Variants in NPC1L1 observed in about 807,000 individuals in gnomAD.
NPC1L1 encodes NPC1 like intracellular cholesterol transporter 1.
A neutral mutation model predicts 117.0 loss-of-function variants in NPC1L1; 98 were observed. The ratio of observed to expected loss-of-function variants is 0.84; its 90% CI spans 0.71 to 0.99. NPC1L1 has a LOEUF of 0.99. Ranked by LOEUF, NPC1L1 falls within the 50% of genes least tolerant of loss-of-function variation. The pLI, the probability that NPC1L1 is intolerant of heterozygous loss-of-function variation, is 0.00. For missense variants in NPC1L1, 1,540 were observed against 1,710.0 expected, an observed-to-expected ratio of 0.90 and a Z score of 1.75; for synonymous variants, 729 against 727.6, an observed-to-expected ratio of 1.00 and a Z score of -0.03.
chr7:44,513,884 C>A (rs1801112156), intron 18 of NPC1L1, among the ~76,000 whole-genome samples: 1 of 152,142 alleles, frequency 6.6e-6, no homozygotes, highest in African/African-American at 2.4e-5. Context: ...GCTCCAAGGC[C>A]CTGGATATCC....
At chr7:44,515,524 T>C (rs1371018791) in intron 18 of NPC1L1, among the ~76,000 whole-genome samples, 1 of 152,220 alleles carries the variant, frequency 6.6e-6, no homozygotes, top group African/African-American at 2.4e-5. Flanking sequence ...CTGAAGGGCA[T>C]GCTTAAAAGT....
Position 44,539,585 on chromosome 7 carries a change from G to A in NPC1L1, c.812C>T (p.Ala271Val), listed in dbSNP as rs117724326. The change falls in exon 2 of 19, where the codon GCC becomes GTC. Residue 271 changes from alanine to valine, a missense_variant. Transcript: ENST00000381160. This position sits in a 1 kb window ranked among gnomAD's most constrained non-coding sequence, Gnocchi z 4.4. ...GCCCAGGTAGAAGGTGGAGTCGAGG[G>A]CCTGGGGGCGGGCTATGGCAGGACA... is the stretch of plus-strand genomic sequence containing the variant. ...ASCPAIARPQ[A>V]LDSTFYLGQM... The A allele has an allele frequency of 5.8e-3, 9,338 of 1,614,054 alleles. 129 individuals carry two copies. The highest frequency in any genetic ancestry group is 5.6e-3 in the Non-Finnish European group (6,566 of 1,180,014).
intron 14 of NPC1L1, chr7:44,518,801 G>A: frequency 1.0e-6 from 1 of 968,552 alleles, no homozygotes; most frequent in South Asian, 3.3e-5. Context: ...CTCAGAGCAG[G>A]GGAGGTGCCT....
chr7:44,513,768 T>C lies in NPC1L1; in HGVS notation c.3797-119A>G, dbSNP rs1801110234. On this transcript the variant is annotated intron_variant, in intron 18 of 18. Coordinates refer to ENST00000381160, the MANE Select transcript of NPC1L1 (RefSeq NM_001101648.2). The stretch of plus-strand genomic sequence containing the variant: ...AGGGTCCCAGGGGGGATCTGTGCCA[T>C]GTGCCTTCCAGGGTCACTATGTTCA... 6.4e-6 allele frequency: 7 copies of C among 1,095,000 alleles called. No individual in the cohort carries two copies. The South Asian group carries it at 9.2e-5, about 14-fold the overall frequency. 67.8% of individuals were successfully genotyped at this position (1,095,000 alleles called of 1,614,324 possible).
intron 11 of NPC1L1, 55 bp from the exon 12 acceptor site, chr7:44,521,891 C>T: frequency 6.2e-7 from 1 of 1,611,682 alleles, no homozygotes; most frequent in Non-Finnish European, 8.5e-7. Flanking sequence ...GGTGGTGGGT[C>T]CTTCTCGTGG....
At chr7:44,526,546 C>CAAAAAAAAAAAAAAAAAAAAAAAAAAAAA (rs372498105) in intron 10 of NPC1L1, among the ~76,000 whole-genome samples, 6 of 68,352 alleles carry the variant, frequency 8.8e-5, no homozygotes, top group African/African-American at 4.2e-4. Context: ...GACTCCATCT[C>CAAAAAAAAAAAAAAAAAAAAAAAAAAAAA]AAAAAAAAAA....
chr7:44,520,838 C>T lies in NPC1L1; in HGVS notation c.3081-18G>A, dbSNP rs1345904531. On this transcript the variant is annotated intron_variant, in intron 13 of 18. Transcript: ENST00000381160. ...CCAGGCCGCTGCAAGAAGGTCAGGG[C>T]AAAGGCTTAGCCAGGGACGAAGCTT... 6.2e-7 allele frequency: 1 copy of T among 1,614,018 alleles called. No individual in the cohort carries two copies. Among genetic ancestry groups the T allele is most frequent in the South Asian group, 1.1e-5 (1 of 91,056 alleles).
intron 5 of NPC1L1, among the ~76,000 whole-genome samples, chr7:44,535,054 G>A (rs896718756): frequency 4.6e-5 from 7 of 151,760 alleles, no homozygotes; most frequent in African/African-American, 1.5e-4. Context: ...GGCAAAAAGC[G>A]AGACCCCATC....
At chr7:44,530,035 A>G (rs1237663921) in intron 10 of NPC1L1, among the ~76,000 whole-genome samples, 1 of 148,546 alleles carries the variant, frequency 6.7e-6, no homozygotes, top group Non-Finnish European at 1.5e-5. Context: ...CTCCATCTCA[A>G]AAAAAAAAAG....
chr7:44,522,951 A>G (rs143439260), intron 10 of NPC1L1, among the ~76,000 whole-genome samples: 8 of 152,342 alleles, frequency 5.3e-5, no homozygotes, highest in Admixed American at 6.5e-5. Flanking sequence ...GCTCCCTTCT[A>G]TAACATAAAG....
At chr7:44,526,416 G>T (rs1801516874) in intron 10 of NPC1L1, among the ~76,000 whole-genome samples, 1 of 151,628 alleles carries the variant, frequency 6.6e-6, no homozygotes, top group Admixed American at 6.6e-5. Context: ...AGGCGTGGAG[G>T]CATGCACCTG....
At chr7:44,540,467 G>T in intron 1 of NPC1L1, 125 bp from the exon 2 acceptor site, 1 of 858,242 alleles carries the variant, frequency 1.2e-6, no homozygotes, top group Non-Finnish European at 1.9e-6. Context: ...CGGGGAGTGT[G>T]GGGAGTAGGA....
chr7:44,539,526 GGAT>G lies in NPC1L1; in HGVS notation c.868_870del (p.Ile290del). The G allele has an allele frequency of 2.5e-6, 4 of 1,613,854 alleles. No individual in the cohort carries two copies. Among genetic ancestry groups the G allele is most frequent in the Non-Finnish European group, 3.4e-6 (4 of 1,179,776 alleles). On this transcript the variant is annotated inframe_deletion, in exon 2 of 19. Transcript: ENST00000381160. This position sits in a 1 kb window ranked among gnomAD's most constrained non-coding sequence, Gnocchi z 4.4. ...GTGACCACAGCGAAGACAGAGCAGA[GGAT>G]GATGATGAGGACCAGACTGCCCGGC...
At chr7:44,540,422 G>A in intron 1 of NPC1L1, 80 bp from the exon 2 acceptor site, 1 of 1,316,964 alleles carries the variant, frequency 7.6e-7, no homozygotes, top group East Asian at 2.3e-5. Flanking sequence ...GGGAGGGTGT[G>A]AGGGTAAGAA....
rs1196314226 is a variant in NPC1L1 at position 44,539,520 on chromosome 7, A to G, written c.877T>C (p.Ser293Pro). The G allele has an allele frequency of 6.2e-7, 1 of 1,613,656 alleles. No homozygotes were observed. Among genetic ancestry groups the G allele is most frequent in the East Asian group, 2.2e-5 (1 of 44,856 alleles). ...GSLVLIIILC[S>P]VFAVVTILLV... ...AGGATGGTGACCACAGCGAAGACAG[A>G]GCAGAGGATGATGATGAGGACCAGA... The change falls in exon 2 of 19, where the codon TCT (serine) becomes CCT (proline). Residue 293 changes from serine (S) to proline (P), a missense_variant. By Grantham distance (74) the Ser-to-Pro change is moderately conservative (BLOSUM62 -1). Transcript: ENST00000381160. This position sits in a 1 kb window ranked among gnomAD's most constrained non-coding sequence, Gnocchi z 4.4.
Position 44,536,327 on chromosome 7 carries a change from C to T in NPC1L1, c.1783G>A (p.Ala595Thr). Reference sequence around the variant, plus strand: ...AAGGCTCGCATTTCCTCTAAGAAGGCCTCCTCCCACAGCTTGGCCTGGGCC... The same window carrying T: ...AAGGCTCGCATTTCCTCTAAGAAGGTCTCCTCCCACAGCTTGGCCTGGGCC... ...RLAQAKLWEE[A>T]FLEEMRAFQR... Residue 595 changes from alanine to threonine, a missense_variant, in exon 4 of 19, where the codon GCC becomes ACC. By Grantham distance (58) the Ala-to-Thr change is moderately conservative. Around this residue, in one of 3 missense-constraint regions of NPC1L1, gnomAD observed 793 missense variants for 820.4 expected, o/e 0.97. Coordinates refer to ENST00000381160, the MANE Select transcript of NPC1L1 (RefSeq NM_001101648.2). This position sits in a 1 kb window ranked among gnomAD's most constrained non-coding sequence, Gnocchi z 4.7. 1 of 1,614,240 alleles carries T rather than the reference C, an allele frequency of 6.2e-7. No individual in the cohort carries two copies. Among genetic ancestry groups the T allele is most frequent in the Non-Finnish European group, 8.5e-7 (1 of 1,180,042 alleles).
rs575368371 is a variant in NPC1L1, at chr7:44,516,578, C to T, written c.3519+125G>A. 50 of 834,612 alleles carry T rather than the reference C, an allele frequency of 6.0e-5. 2 individuals carry two copies. The South Asian group carries it at 7.0e-4, about 12-fold the overall frequency. The allele number at this position is 834,612 out of a possible 1,614,324, so 51.7% of individuals were successfully genotyped here. On this transcript the variant is annotated intron_variant, in intron 16 of 18. Transcript: ENST00000381160. Reference sequence around the variant, plus strand: ...CTGTGATCATGTCACTGCCCTCAAGCCTGAGCAACAGAGCAAGACCCTGCC... The same window carrying T: ...CTGTGATCATGTCACTGCCCTCAAGTCTGAGCAACAGAGCAAGACCCTGCC...
intron 10 of NPC1L1, among the ~76,000 whole-genome samples, chr7:44,530,088 A>G (rs1801650169): frequency 6.6e-6 from 1 of 151,628 alleles, no homozygotes; most frequent in African/African-American, 2.4e-5. Context: ...CTGTAATCCC[A>G]GCACTTTGGG....
rs1032732407 is a variant in NPC1L1 at position 44,538,973 on chromosome 7, A to AG, written c.1423dup (p.Leu475ProfsTer71). ...GTAGAGACTGGTATTGTCCGGATTG[A>AG]GGGGGGCGTAGCAGATGTCCTGCAG... On this transcript the variant is annotated frameshift_variant, in exon 2 of 19. Transcript: ENST00000381160. LOFTEE classifies it high-confidence loss of function. This position sits in a 1 kb window ranked among gnomAD's most constrained non-coding sequence, Gnocchi z 5.9. 16 of 1,614,014 alleles carry AG rather than the reference A, an allele frequency of 9.9e-6. No homozygotes were observed. The African/African-American group carries it at 1.1e-4, about 11-fold the overall frequency.
Sources: gnomAD v4.1 joint callset for allele counts (sites outside exome capture counted in the v4.1 genomes callset) on GRCh38, gnomAD v4.1.1 for gene constraint, gnomAD v4.1.1 regional missense constraint, Gnocchi (gnomAD v3.1) non-coding constraint, MANE v1.5 for transcripts, NCBI Gene and HGNC (gene_info 2026-07-23, HGNC 2026-07-21) for gene names.